RDX: variants seen among roughly 807,000 people sequenced by gnomAD.
The protein encoded by RDX is radixin.
A neutral mutation model predicts 83.7 loss-of-function variants in RDX; 32 were observed. That is an observed-to-expected ratio of 0.38 (90% CI 0.29 to 0.51). The LOEUF (loss-of-function observed/expected upper bound fraction) is 0.51. RDX is among the 20% of genes least tolerant of loss of function. The pLI is 0.87. For missense variants in RDX, 600 were observed against 689.9 expected, an observed-to-expected ratio of 0.87 and a Z score of 1.46; for synonymous variants, 229 against 222.7, an observed-to-expected ratio of 1.03 and a Z score of -0.25.
At chr11:110,225,455 A>G (rs1367294846), downstream of RDX, among the ~76,000 whole-genome samples, 1 of 152,214 alleles carries the variant, frequency 6.6e-6, no homozygotes, top group Non-Finnish European at 1.5e-5. Context: ...ACTTGAATAG[A>G]CATTTCTCCA....
chr11:110,262,272 G>A (rs752329037), intron 5 of RDX, among the ~76,000 whole-genome samples: 3 of 152,070 alleles, frequency 2.0e-5, no homozygotes, highest in African/African-American at 7.2e-5. Context: ...ATTAAAGGGC[G>A]GAACACTGTG....
intron 5 of RDX, among the ~76,000 whole-genome samples, chr11:110,261,169 A>G (rs527700714): frequency 1.6e-4 from 24 of 152,318 alleles, no homozygotes; most frequent in Admixed American, 1.2e-3. Context: ...TAAATACCAG[A>G]TATCTCTCTT....
chr11:110,289,645 G>A lies in RDX; in HGVS notation c.-65+6822C>T, dbSNP rs539180953. Reference sequence around the variant, plus strand: ...CAGAGTCCTTATGTTGACTGGGGGCGGTGGCTCACACCAGAAATCTCGGCA... The same window carrying A: ...CAGAGTCCTTATGTTGACTGGGGGCAGTGGCTCACACCAGAAATCTCGGCA... On this transcript the variant is annotated intron_variant, in intron 1 of 13. Coordinates refer to ENST00000645495, the MANE Select transcript of RDX (RefSeq NM_002906.4). Among the ~76,000 whole-genome samples the A allele has an allele frequency of 9.2e-5, 14 of 152,068 alleles. No homozygotes were observed. In the East Asian group the frequency reaches 2.3e-3, roughly 25 times the overall value.
At chr11:110,255,256 G>T in intron 8 of RDX, 33 bp downstream of exon 8, 2 of 1,108,846 alleles carry the variant, frequency 1.8e-6, no homozygotes, top group Non-Finnish European at 2.8e-6. Flanking sequence ...ATATTAAACA[G>T]TTAATACACA....
chr11:110,232,081 A>G lies in RDX; in HGVS notation c.1588-48T>C, dbSNP rs779877590. The G allele has an allele frequency of 8.1e-5, 118 of 1,461,772 alleles. No individual in the cohort carries two copies. The East Asian group carries it at 2.7e-3, about 34-fold the overall frequency. The allele number at this position is 1,461,772 out of a possible 1,614,324, so 90.6% of individuals were successfully genotyped here. On this transcript the variant is annotated intron_variant, in intron 13 of 13. Transcript: ENST00000645495. ...AACTATTATTTTTTTCTTAGATTTA[A>G]AAAAATTTATGAAAATGGCTTTAAG...
chr11:110,182,201 G>C (rs1390684519), intron 15 of RDX, among the ~76,000 whole-genome samples: 1 of 152,270 alleles, frequency 6.6e-6, no homozygotes. Context: ...TGGGTGCCAA[G>C]GGAGACGCGG....
chr11:110,279,202 C>G (rs191736237), intron 2 of RDX, among the ~76,000 whole-genome samples: 25 of 152,218 alleles, frequency 1.6e-4, no homozygotes, highest in African/African-American at 6.0e-4. Flanking sequence ...ATTTTATATG[C>G]AAGGAAATTA....
chr11:110,286,460 A>T (rs1327047831), intron 1 of RDX, among the ~76,000 whole-genome samples: 2 of 152,218 alleles, frequency 1.3e-5, no homozygotes, highest in Non-Finnish European at 2.9e-5. Flanking sequence ...AAATAGCCTC[A>T]TGCTCGACAC....
chr11:110,264,650 G>T, intron 4 of RDX, 129 bp downstream of exon 4: 1 of 611,498 alleles, frequency 1.6e-6, no homozygotes, highest in Non-Finnish European at 2.8e-6. Flanking sequence ...AAAAAACATG[G>T]TACCTCATAA....
chr11:110,214,996 A>G (rs992897934), intron 14 of RDX, among the ~76,000 whole-genome samples: 3 of 147,792 alleles, frequency 2.0e-5, no homozygotes, highest in Non-Finnish European at 4.5e-5. Context: ...TATAATAAAA[A>G]AAAAATGAAA....
At chr11:110,289,601 T>C (rs1437324495) in intron 1 of RDX, among the ~76,000 whole-genome samples, 2 of 152,050 alleles carry the variant, frequency 1.3e-5, no homozygotes. Flanking sequence ...TTTTCTATGT[T>C]CCCATTCTCC....
intron 14 of RDX, among the ~76,000 whole-genome samples, chr11:110,202,271 T>C (rs1863438085): frequency 6.6e-6 from 1 of 151,862 alleles, no homozygotes. Flanking sequence ...GGCCTGCACC[T>C]GTAGTCCCAG....
intron 14 of RDX, among the ~76,000 whole-genome samples, chr11:110,220,691 T>G (rs994873022): frequency 2.6e-5 from 4 of 152,000 alleles, no homozygotes; most frequent in Admixed American, 6.6e-5. Context: ...TAGAGCAGGG[T>G]TCCACCATGT....
chr11:110,283,176 T>C (rs1225618743), intron 1 of RDX, among the ~76,000 whole-genome samples: 1 of 152,146 alleles, frequency 6.6e-6, no homozygotes, highest in South Asian at 2.1e-4. Context: ...TTTTTGGAGA[T>C]GGAGTCTCGC....
In RDX at chr11:110,186,500, T is replaced by C. The variant is rs1278712970; in HGVS notation, c.*32-11266A>G. On this transcript the variant is annotated intron_variant, in intron 15 of 15. Transcript: ENST00000528498. The stretch of plus-strand genomic sequence containing the variant: ...CCTCAGCCACTTGGAAATAGCAAAA[T>C]AGTGCATAAAGATCAATTCTGTGAG... Among the ~76,000 whole-genome samples the C allele has an allele frequency of 8.6e-5, 13 of 151,694 alleles. 1 individual carries two copies. The highest frequency in any genetic ancestry group is 2.6e-4 in the Admixed American group (4 of 15,216).
At chr11:110,288,261 T>C (rs1286555344) in intron 1 of RDX, 2 of 152,206 alleles carry the variant, frequency 1.3e-5, no homozygotes, top group African/African-American at 2.4e-5. Flanking sequence ...AACACCAAAG[T>C]TTTACACTGA....
chr11:110,246,648 G>C (rs113909593), intron 10 of RDX, among the ~76,000 whole-genome samples: 2 of 151,360 alleles, frequency 1.3e-5, no homozygotes, highest in Admixed American at 6.6e-5. Flanking sequence ...GGTGGAGTAC[G>C]CCTGTAATCC....
intron 15 of RDX, chr11:110,195,434 T>G (rs917936223): frequency 2.0e-5 from 3 of 152,126 alleles, no homozygotes; most frequent in African/African-American, 7.2e-5. Context: ...CAACCCTCTT[T>G]CTCCAAACAC....
intron 1 of RDX, among the ~76,000 whole-genome samples, chr11:110,290,815 T>C (rs544439823): frequency 2.3e-4 from 33 of 142,140 alleles, no homozygotes; most frequent in African/African-American, 8.6e-4. Context: ...TCAGCTACGA[T>C]GTGTTCAAAT....
Sources: allele counts gnomAD v4.1 joint callset (sites outside exome capture counted in the v4.1 genomes callset), GRCh38; gene constraint gnomAD v4.1.1; transcripts MANE v1.5; gene names NCBI Gene and HGNC (gene_info 2026-07-23, HGNC 2026-07-21).